Variants in ADGRD1 observed in about 807,000 individuals in gnomAD.
ADGRD1 encodes G-protein coupled receptor 133.
A neutral mutation model predicts 113.4 loss-of-function variants in ADGRD1; 77 were observed. The ratio of observed to expected loss-of-function variants is 0.68; its 90% CI spans 0.57 to 0.82. ADGRD1 has a LOEUF of 0.82. Among genes scored for constraint, ADGRD1 ranks in the 40% least tolerant of loss-of-function variants. The pLI is 0.00. For synonymous variants in ADGRD1, 474 were observed against 475.0 expected (o/e 1.00, Z 0.03); for missense variants, 1,036 against 1,139.1 (o/e 0.91, Z 1.30).
chr12:130,956,955 A>C (rs761492680), intron 2 of ADGRD1: 3 of 152,490 alleles, frequency 2.0e-5, no homozygotes, highest in Admixed American at 6.5e-5. Context: ...ACATGTCCAC[A>C]CACCACTCAC....
chr12:130,983,587 G>A (rs1873275753), intron 5 of ADGRD1, among the ~76,000 whole-genome samples: 2 of 152,164 alleles, frequency 1.3e-5, no homozygotes, highest in South Asian at 4.1e-4. Context: ...CCAGGGAAAG[G>A]GCGAGAATTA....
At position 131,105,798 on chromosome 12, in the gene ADGRD1, A is replaced by T; in HGVS notation, c.1820A>T (p.Asn607Ile). 6.2e-7 allele frequency: 1 copy of T among 1,601,246 alleles called. No homozygotes were observed. Among genetic ancestry groups the T allele is most frequent in the Non-Finnish European group, 8.5e-7 (1 of 1,179,934 alleles). Residue 607 changes from asparagine (N) to isoleucine (I), a missense_variant, in exon 17 of 25, where the codon AAC (asparagine) becomes ATC (isoleucine). By Grantham distance (149) the Asn-to-Ile change is moderately radical. Transcript: ENST00000261654. ...AACCAGCGCTACCACATCCACGCCA[A>T]CCTGTCCTTCGCCGTGCTGGTGGCC... Reference protein sequence around the residue: ...IRNQRYHIHANLSFAVLVAQV... With the variant: ...IRNQRYHIHAILSFAVLVAQV...
At chr12:130,990,932 A>ACAT in intron 6 of ADGRD1, 82 bp from the exon 7 acceptor site, 1 of 1,046,080 alleles carries the variant, frequency 9.6e-7, no homozygotes, top group Middle Eastern at 2.0e-4. Context: ...TGAAGCCAGT[A>ACAT]CATTTTTAAC....
chr12:131,123,542 C>T (rs1950658751), intron 20 of ADGRD1, among the ~76,000 whole-genome samples: 1 of 150,418 alleles, frequency 6.6e-6, no homozygotes, highest in Admixed American at 6.6e-5. Context: ...CAGGTTCAGG[C>T]TGGGCGCGGT....
chr12:130,985,804 G>A (rs1048021878), intron 5 of ADGRD1, among the ~76,000 whole-genome samples: 1 of 152,122 alleles, frequency 6.6e-6, no homozygotes, highest in South Asian at 2.1e-4. Flanking sequence ...CACCTGCCTC[G>A]GCCTCCCAAA....
intron 15 of ADGRD1, among the ~76,000 whole-genome samples, chr12:131,095,718 G>C (rs1021658148): frequency 3.9e-5 from 6 of 152,226 alleles, no homozygotes; most frequent in Non-Finnish European, 8.8e-5. Flanking sequence ...TCTGAAGCAG[G>C]CCAGGTTTCT....
At position 131,003,243 on chromosome 12, in the gene ADGRD1, C is replaced by T. The variant is rs1876617954; in HGVS notation, c.1085C>T (p.Ser362Phe). ...DTIDTVMGHV[S>F]SNLHGSTPQV... The stretch of plus-strand genomic sequence containing the variant: ...ATTGACACCGTCATGGGCCATGTAT[C>T]CTCCAACCTGCACGGCAGCACGCCC... The change falls in exon 10 of 25, where the codon TCC (serine) becomes TTC (phenylalanine). Residue 362 changes from serine to phenylalanine, a missense_variant. By Grantham distance (155) the Ser-to-Phe change is radical. Transcript: ENST00000261654. This position sits in a 1 kb window ranked among gnomAD's most constrained non-coding sequence, Gnocchi z 4.8. The T allele has an allele frequency of 1.2e-6, 2 of 1,613,974 alleles. No individual in the cohort carries two copies. The highest frequency in any genetic ancestry group is 1.3e-5 in the African/African-American group (1 of 74,912).
intron 20 of ADGRD1, among the ~76,000 whole-genome samples, chr12:131,129,349 G>A (rs1372952855): frequency 7.2e-6 from 1 of 138,404 alleles, no homozygotes; most frequent in Non-Finnish European, 1.5e-5. Flanking sequence ...TCCTGTCTGG[G>A]TGTGAGTGAC....
chr12:131,097,722 G>A (rs1040694961), intron 15 of ADGRD1, among the ~76,000 whole-genome samples: 2 of 152,194 alleles, frequency 1.3e-5, no homozygotes, highest in African/African-American at 4.8e-5. Context: ...GATGCCAGCC[G>A]CGGAGAGACC....
In ADGRD1 at chr12:131,014,297, T is replaced by C; in HGVS notation, c.1430T>C (p.Leu477Pro). The C allele has an allele frequency of 3.1e-6, 5 of 1,614,124 alleles. No homozygotes were observed. The highest frequency in any genetic ancestry group is 1.3e-5 in the African/African-American group (1 of 75,076). ...CCACCACCCACCCTGTCTCAGAACC[T>C]GTCGGGCTCTCCACTCATTACGGTC... is the stretch of plus-strand genomic sequence containing the variant. ...VSPPPTLSQN[L>P]SGSPLITVHL... The change falls in exon 13 of 25, where the codon CTG (leucine) becomes CCG (proline). Residue 477 changes from leucine to proline, a missense_variant. Transcript: ENST00000261654.
intron 15 of ADGRD1, among the ~76,000 whole-genome samples, chr12:131,089,138 C>G (rs1342956556): frequency 6.6e-6 from 1 of 152,182 alleles, no homozygotes; most frequent in African/African-American, 2.4e-5. Flanking sequence ...ATAGTCCGGC[C>G]CCACATGTGT....
Position 131,003,246 on chromosome 12 carries a change from C to T in ADGRD1, c.1088C>T (p.Ser363Phe), listed in dbSNP as rs776616695. The T allele has an allele frequency of 3.7e-6, 6 of 1,614,004 alleles. No homozygotes were observed. The highest frequency in any genetic ancestry group is 5.1e-6 in the Non-Finnish European group (6 of 1,180,020). ...GACACCGTCATGGGCCATGTATCCT[C>T]CAACCTGCACGGCAGCACGCCCCAG... is the stretch of plus-strand genomic sequence containing the variant. ...TIDTVMGHVS[S>F]NLHGSTPQVT... is the part of the protein sequence containing the mutation. Residue 363 changes from serine to phenylalanine, a missense_variant, in exon 10 of 25, where the codon TCC becomes TTC. Physicochemically the swap from Ser to Phe is radical, Grantham distance 155 (BLOSUM62 -2). Coordinates refer to ENST00000261654, the MANE Select transcript of ADGRD1 (RefSeq NM_198827.5). This position sits in a 1 kb window ranked among gnomAD's most constrained non-coding sequence, Gnocchi z 4.8.
intron 13 of ADGRD1, among the ~76,000 whole-genome samples, chr12:131,035,965 A>G (rs967778427): frequency 6.6e-6 from 1 of 152,216 alleles, no homozygotes. Flanking sequence ...ACCGAGTCAC[A>G]TTATACCACT....
chr12:131,138,067 C>T (rs965060042), intron 23 of ADGRD1, 70 bp from the exon 24 acceptor site: 17 of 1,287,558 alleles, frequency 1.3e-5, no homozygotes, highest in African/African-American at 1.2e-4. Flanking sequence ...GTTGCACCGG[C>T]ACAGACTCCT....
chr12:130,995,355 G>A (rs1875105506), intron 8 of ADGRD1, among the ~76,000 whole-genome samples: 1 of 152,244 alleles, frequency 6.6e-6, no homozygotes, highest in Non-Finnish European at 1.5e-5. Context: ...CTTATTGGCT[G>A]TCTGGTTTGC....
At chr12:131,005,723 T>A (rs573407418) in intron 11 of ADGRD1, among the ~76,000 whole-genome samples, 2 of 152,204 alleles carry the variant, frequency 1.3e-5, no homozygotes, top group South Asian at 4.2e-4. Context: ...TGGCCCTCCC[T>A]GGGGGGTTTC....
At chr12:131,054,327 G>A (rs1208278816) in intron 13 of ADGRD1, among the ~76,000 whole-genome samples, 6 of 152,098 alleles carry the variant, frequency 3.9e-5, no homozygotes, top group Non-Finnish European at 2.9e-5. Context: ...GCTAATACTT[G>A]TTCTTTCGCC....
At chr12:131,004,475 T>C (rs933656487) in intron 11 of ADGRD1, among the ~76,000 whole-genome samples, 179 bp downstream of exon 11, 1 of 149,804 alleles carries the variant, frequency 6.7e-6, no homozygotes, top group East Asian at 2.0e-4. Context: ...GGGCAGCCGT[T>C]CTCAAAGCGT....
chr12:131,087,494 GC>G (rs1224827287), intron 15 of ADGRD1, among the ~76,000 whole-genome samples: 3 of 152,228 alleles, frequency 2.0e-5, no homozygotes, highest in Non-Finnish European at 4.4e-5. Flanking sequence ...GAACTGCCAA[GC>G]CCTTGCGTGC....
Sources: gnomAD v4.1 joint callset for allele counts (sites outside exome capture counted in the v4.1 genomes callset) on GRCh38, gnomAD v4.1.1 for gene constraint, Gnocchi (gnomAD v3.1) non-coding constraint, MANE v1.5 for transcripts, NCBI Gene and HGNC (gene_info 2026-07-23, HGNC 2026-07-21) for gene names.